Variants in KDM3A observed in about 807,000 individuals in gnomAD.
The protein encoded by KDM3A is lysine demethylase 3A, also known as lysine-specific demethylase 3A.
In KDM3A, 60 loss-of-function variants were observed where a neutral mutation model predicts 158.0. The ratio of observed to expected loss-of-function variants is 0.38; its 90% confidence interval spans 0.31 to 0.47. The LOEUF is 0.47. Among genes scored for constraint, KDM3A ranks in the 20% least tolerant of loss-of-function variants. The pLI, the probability that KDM3A is intolerant of heterozygous loss-of-function variation, is 0.99. For synonymous variants in KDM3A, 608 were observed against 549.3 expected (o/e 1.11, Z -1.49); for missense variants, 1,319 against 1,574.3 (o/e 0.84, Z 2.74).
Position 86,490,982 on chromosome 2 carries a change from G to A in KDM3A, c.3675G>A (p.Glu1225=). 6.2e-7 allele frequency: 1 copy of A among 1,614,018 alleles called. No individual in the cohort carries two copies. The highest frequency in any genetic ancestry group is 8.5e-7 in the Non-Finnish European group (1 of 1,179,908). The part of the protein sequence containing the change: ...DRSLRKRLHQ[E]YGVQGWAIVQ... ...CATTAAGAAAACGTCTTCATCAAGA[G>A]TATGGAGTTCAAGGCTGGGCTATTG... is the stretch of plus-strand genomic sequence containing the variant. Residue 1225 remains glutamate, a synonymous_variant, in exon 24 of 26, where the codon GAG becomes GAA. Coordinates refer to ENST00000312912, the MANE Select transcript of KDM3A (RefSeq NM_018433.6).
intron 23 of KDM3A, chr2:86,490,647 T>G (rs755754502): frequency 6.9e-6 from 3 of 435,180 alleles, no homozygotes; most frequent in South Asian, 4.0e-5. Context: ...TACAAACTTA[T>G]GCAGAGCCTG....
At chr2:86,483,804 A>T (rs1408640629) in intron 18 of KDM3A, 183 bp from the exon 19 acceptor site, 1 of 530,632 alleles carries the variant, frequency 1.9e-6, no homozygotes, top group African/African-American at 1.9e-5. Flanking sequence ...GTAGCAGATG[A>T]ATGGTGAAGG....
intron 2 of KDM3A, among the ~76,000 whole-genome samples, chr2:86,447,539 C>A (rs1049831057): frequency 1.3e-5 from 2 of 151,440 alleles, no homozygotes; most frequent in African/African-American, 4.9e-5. Context: ...TAAGTGATAC[C>A]TTGATAAGAT....
At chr2:86,449,501 A>G (rs1021693298) in intron 2 of KDM3A, among the ~76,000 whole-genome samples, 4 of 152,202 alleles carry the variant, frequency 2.6e-5, no homozygotes, top group Admixed American at 6.5e-5. Flanking sequence ...TAATTAATGT[A>G]TGTAAACGCC....
In KDM3A at chr2:86,466,842, A is replaced by G; in HGVS notation, c.1478A>G (p.Asn493Ser). The change falls in exon 10 of 26, where the codon AAT becomes AGT. Residue 493 changes from asparagine (N) to serine (S), a missense_variant. This residue lies in a region of KDM3A where 652 missense variants were observed against 627.2 expected (regional missense o/e 1.04). Transcript: ENST00000312912. Reference protein sequence around the residue: ...NLKESSVKVDNESCCSRSNNK... With the variant: ...NLKESSVKVDSESCCSRSNNK... ...AAGGAATCTTCAGTAAAAGTAGATA[A>G]TGAAAGCTGTTGTTCAAGAAGCAAC... 1 of 1,610,426 alleles carries G rather than the reference A, an allele frequency of 6.2e-7. No homozygotes were observed.
chr2:86,475,547 T>TAA (rs951707890), intron 12 of KDM3A, among the ~76,000 whole-genome samples: 8 of 152,280 alleles, frequency 5.3e-5, no homozygotes, highest in African/African-American at 1.7e-4. Context: ...TGGCAGCCAT[T>TAA]AAGCCACAGG....
chr2:86,461,636 GA>G (rs1332511984), intron 8 of KDM3A, among the ~76,000 whole-genome samples: 2 of 152,190 alleles, frequency 1.3e-5, no homozygotes, highest in African/African-American at 4.8e-5. Flanking sequence ...TAAGGGCTAT[GA>G]AAGGTATAAA....
intron 21 of KDM3A, chr2:86,487,437 G>A (rs1331444043): frequency 6.6e-6 from 1 of 152,202 alleles, no homozygotes; most frequent in Non-Finnish European, 1.5e-5. Flanking sequence ...ATGAGAGTAA[G>A]TGCAAAGGCT....
At chr2:86,476,685 C>T (rs1673673078) in intron 12 of KDM3A, among the ~76,000 whole-genome samples, 1 of 152,150 alleles carries the variant, frequency 6.6e-6, no homozygotes, top group Non-Finnish European at 1.5e-5. Context: ...CAGTCTAATC[C>T]AGGTGTCCAA....
chr2:86,476,244 G>A (rs988990340), intron 12 of KDM3A, among the ~76,000 whole-genome samples: 4 of 152,160 alleles, frequency 2.6e-5, no homozygotes, highest in African/African-American at 9.7e-5. Flanking sequence ...ACTGCAATGT[G>A]GAAACACTTT....
rs1295722721 is a variant in KDM3A at position 86,492,356 on chromosome 2, AC to A, written c.*239del. 2.3e-6 allele frequency: 1 copy of A among 442,312 alleles called. No homozygotes were observed. The highest frequency in any genetic ancestry group is 3.5e-5 in the East Asian group (1 of 28,280). 27.4% of individuals were successfully genotyped at this position (442,312 alleles called of 1,614,324 possible). ...ACTTCTCACCTAGTGCAGAACTTTT[AC>A]CAGGCTGTAAAAGCAAAACCTCGTA... On this transcript the variant is annotated 3_prime_UTR_variant, in exon 26 of 26. Coordinates refer to ENST00000312912, the MANE Select transcript of KDM3A (RefSeq NM_018433.6).
chr2:86,446,094 A>T (rs1682947827), intron 2 of KDM3A, among the ~76,000 whole-genome samples: 1 of 152,166 alleles, frequency 6.6e-6, no homozygotes. Flanking sequence ...TACAATATTA[A>T]TTCATATATC....
rs571461925 is a variant in KDM3A, at chr2:86,466,973, A to C, written c.1519+90A>C. On this transcript the variant is annotated intron_variant, in intron 10 of 25. Coordinates refer to ENST00000312912, the MANE Select transcript of KDM3A (RefSeq NM_018433.6). ...TTGTCCTATGAGAAACTATGTGAAA[A>C]TGACTTTGTAGAAATAGTTTATACA... The C allele has an allele frequency of 3.1e-4, 341 of 1,103,256 alleles. 8 individuals are homozygous for C. In the South Asian group the frequency reaches 5.5e-3, roughly 18 times the overall value. 68.3% of individuals were successfully genotyped at this position (1,103,256 alleles called of 1,614,324 possible). A position where few individuals can be genotyped will look rare whatever the true frequency, so the allele number is the denominator to read the frequency against.
chr2:86,445,955 AT>A (rs1682943382), intron 2 of KDM3A, among the ~76,000 whole-genome samples: 1 of 152,216 alleles, frequency 6.6e-6, no homozygotes, highest in East Asian at 1.9e-4. Flanking sequence ...TAAAAACCAT[AT>A]CATTCTGTGC....
intron 2 of KDM3A, among the ~76,000 whole-genome samples, chr2:86,445,984 G>C (rs974736155): frequency 6.6e-6 from 1 of 152,158 alleles, no homozygotes; most frequent in African/African-American, 2.4e-5. Context: ...TTTAAACTTG[G>C]AAACATTTTC....
At chr2:86,467,003 G>C in intron 10 of KDM3A, 120 bp downstream of exon 10, 2 of 839,156 alleles carry the variant, frequency 2.4e-6, no homozygotes, top group Non-Finnish European at 1.8e-6. Context: ...TATACAGTCA[G>C]AAAAGTTGAA....
rs140350293 is a variant in KDM3A at position 86,442,171 on chromosome 2, C to T, written c.124C>T (p.Pro42Ser). ...GGACGTGGAGCGCGTCGCCGAGTGG[C>T]CCTGGCTCTCCGGGACCATTCGAGC... Reference protein sequence around the residue: ...SWDVERVAEWPWLSGTIRAVS... With the variant: ...SWDVERVAEWSWLSGTIRAVS... The change falls in exon 2 of 26, where the codon CCC becomes TCC. Residue 42 changes from proline to serine, a missense_variant. Physicochemically the swap from Pro to Ser is moderately conservative, Grantham distance 74. Around this residue, in one of 4 missense-constraint regions of KDM3A, gnomAD observed 652 missense variants for 627.2 expected, o/e 1.04. Coordinates refer to ENST00000312912, the MANE Select transcript of KDM3A (RefSeq NM_018433.6). 5 of 1,614,024 alleles carry T rather than the reference C, an allele frequency of 3.1e-6. No individual in the cohort carries two copies. Among genetic ancestry groups the T allele is most frequent in the Middle Eastern group, 1.7e-4 (1 of 6,060 alleles).
Position 86,442,219 on chromosome 2 carries a change from A to G in KDM3A, c.172A>G (p.Lys58Glu), listed in dbSNP as rs758228009. The G allele has an allele frequency of 3.7e-6, 6 of 1,610,382 alleles. No individual in the cohort carries two copies. The Admixed American group carries it at 1.0e-4, about 27-fold the overall frequency. Residue 58 changes from lysine to glutamate, a missense_variant, in exon 2 of 26, where the codon AAG (lysine) becomes GAG (glutamate). By Grantham distance (56) the Lys-to-Glu change is moderately conservative. This residue lies in a region of KDM3A where 652 missense variants were observed against 627.2 expected (regional missense o/e 1.04). Coordinates refer to ENST00000312912, the MANE Select transcript of KDM3A (RefSeq NM_018433.6). ...IRAVSHTDVT[K>E]KDLKVCVEFD... is the part of the protein sequence containing the mutation. Reference sequence around the variant, plus strand: ...AGCTGTTTCCCACACCGACGTTACCAAGAAGGATCTGAAGGTACAGGCGGC... The same window carrying G: ...AGCTGTTTCCCACACCGACGTTACCGAGAAGGATCTGAAGGTACAGGCGGC...
rs1673588279 is a variant in KDM3A at position 86,474,785 on chromosome 2, C to G, written c.1734C>G (p.Phe578Leu). The change falls in exon 12 of 26, where the codon TTC (phenylalanine) becomes TTG (leucine). Residue 578 changes from phenylalanine to leucine, a missense_variant. Phe to Leu is a conservative substitution (Grantham distance 22, BLOSUM62 0). This residue lies in a region of KDM3A where 113 missense variants were observed against 190.5 expected (regional missense o/e 0.59). Coordinates refer to ENST00000312912, the MANE Select transcript of KDM3A (RefSeq NM_018433.6). ...CRFFHFRRLQFNKHGVLRVEG... is the reference protein window; with the variant it reads ...CRFFHFRRLQLNKHGVLRVEG... ...CCCCTGCTTCCCCTAGGTTACAATT[C>G]AACAAACATGGTGTGTTGCGGGTAG... The G allele has an allele frequency of 2.1e-6, 3 of 1,425,658 alleles. No individual in the cohort carries two copies. The highest frequency in any genetic ancestry group is 6.5e-5 in the East Asian group (2 of 30,612). 88.3% of individuals were successfully genotyped at this position (1,425,658 alleles called of 1,614,324 possible).
Sources: gnomAD v4.1 joint callset for allele counts (sites outside exome capture counted in the v4.1 genomes callset) on GRCh38, gnomAD v4.1.1 for gene constraint, gnomAD v4.1.1 regional missense constraint, MANE v1.5 for transcripts, NCBI Gene and HGNC (gene_info 2026-07-23, HGNC 2026-07-21) for gene names.